GRM5: variants seen among roughly 807,000 people sequenced by gnomAD.
GRM5 encodes metabotropic glutamate receptor 5.
In GRM5, 19 loss-of-function variants were observed where a neutral mutation model predicts 83.1. That is an observed-to-expected ratio of 0.23 (90% confidence interval 0.16 to 0.34). GRM5 has a LOEUF of 0.34. Among genes scored for constraint, GRM5 ranks in the 10% least tolerant of loss-of-function variants. GRM5 has a pLI of 1.00. For missense variants in GRM5, 1,160 were observed against 1,588.3 expected, an observed-to-expected ratio of 0.73 and a Z score of 4.58; for synonymous variants, 675 against 633.6, an observed-to-expected ratio of 1.07 and a Z score of -0.98.
intron 2 of GRM5, among the ~76,000 whole-genome samples, chr11:88,976,866 A>C (rs115713430): frequency 6.6e-6 from 1 of 151,878 alleles, no homozygotes; most frequent in African/African-American, 2.4e-5. Flanking sequence ...ATACAAAAAA[A>C]AAATACTTAG....
chr11:88,993,913 T>C (rs1452528964), intron 2 of GRM5, among the ~76,000 whole-genome samples: 2 of 152,064 alleles, frequency 1.3e-5, no homozygotes, highest in Non-Finnish European at 2.9e-5. Flanking sequence ...TGTAGTTACC[T>C]CCATATGTTG....
chr11:89,031,572 TAC>T (rs1482311651), intron 2 of GRM5, among the ~76,000 whole-genome samples: 1 of 151,930 alleles, frequency 6.6e-6, no homozygotes, highest in Non-Finnish European at 1.5e-5. Context: ...ATGTGCTCCT[TAC>T]AATGCTCAGT....
intron 3 of GRM5, among the ~76,000 whole-genome samples, chr11:88,717,992 A>T (rs1428401253): frequency 6.6e-6 from 1 of 151,900 alleles, no homozygotes. Context: ...ATGAAAATGC[A>T]AAAATATAAT....
chr11:88,991,594 A>G (rs905024961), intron 2 of GRM5, among the ~76,000 whole-genome samples: 9 of 149,292 alleles, frequency 6.0e-5, no homozygotes, highest in Non-Finnish European at 1.2e-4. Context: ...GAGGCATCAC[A>G]CTACCTGACT....
chr11:88,785,817 G>T (rs1207737812), intron 3 of GRM5, among the ~76,000 whole-genome samples: 1 of 152,048 alleles, frequency 6.6e-6, no homozygotes, highest in Non-Finnish European at 1.5e-5. Context: ...CAATAGTAGT[G>T]ACTATGCACC....
At chr11:88,980,322 T>A (rs1939481692) in intron 2 of GRM5, among the ~76,000 whole-genome samples, 1 of 152,314 alleles carries the variant, frequency 6.6e-6, no homozygotes, top group South Asian at 2.1e-4. Flanking sequence ...AGGCAATGTT[T>A]GTTAATGAAA....
intron 8 of GRM5, among the ~76,000 whole-genome samples, chr11:88,558,830 A>G (rs1942689235): frequency 1.3e-5 from 2 of 150,662 alleles, no homozygotes; most frequent in Non-Finnish European, 1.5e-5. Context: ...AAAAAATACA[A>G]CAAACAACAC....
At chr11:88,992,505 A>T (rs76107669) in intron 2 of GRM5, among the ~76,000 whole-genome samples, 3,812 of 152,056 alleles carry the variant, frequency 0.025, 90 homozygotes, top group East Asian at 0.1. Flanking sequence ...GACCCAGCCA[A>T]CCCATTACTG....
At chr11:88,792,403 C>A (rs1293920843) in intron 3 of GRM5, among the ~76,000 whole-genome samples, 4 of 152,002 alleles carry the variant, frequency 2.6e-5, no homozygotes, top group Non-Finnish European at 5.9e-5. Context: ...ATAGAAAAAA[C>A]AAAAAGCTAA....
At chr11:88,788,850 T>G (rs1009269255) in intron 3 of GRM5, among the ~76,000 whole-genome samples, 5 of 152,084 alleles carry the variant, frequency 3.3e-5, no homozygotes, top group Admixed American at 6.6e-5. Flanking sequence ...AGATAAAACT[T>G]TTCATAGGCA....
intron 8 of GRM5, among the ~76,000 whole-genome samples, chr11:88,547,243 G>A (rs1320310050): frequency 1.3e-5 from 2 of 152,034 alleles, no homozygotes; most frequent in Non-Finnish European, 2.9e-5. Context: ...AAGTGAGTTT[G>A]GATATGTTAA....
chr11:88,814,781 A>G (rs1032129175), intron 3 of GRM5, among the ~76,000 whole-genome samples: 2 of 152,286 alleles, frequency 1.3e-5, no homozygotes, highest in South Asian at 2.1e-4. Flanking sequence ...GAATAGTGGG[A>G]AAAAAACAAC....
chr11:88,827,778 G>A (rs1393487896), intron 3 of GRM5, among the ~76,000 whole-genome samples: 2 of 152,316 alleles, frequency 1.3e-5, no homozygotes, highest in African/African-American at 2.4e-5. Context: ...ATAGGATAGA[G>A]CAGTAAACAA....
intron 7 of GRM5, among the ~76,000 whole-genome samples, chr11:88,581,842 A>ACATTCCTTAGATATGACATGTAT (rs2135194418): frequency 1.3e-5 from 2 of 152,334 alleles, no homozygotes; most frequent in South Asian, 4.1e-4. Context: ...AGACACACAT[A>ACATTCCTTAGATATGACATGTAT]CATTCCTTAG....
chr11:88,884,605 G>A (rs921560765), intron 2 of GRM5, among the ~76,000 whole-genome samples: 15 of 152,300 alleles, frequency 9.8e-5, no homozygotes, highest in Middle Eastern at 3.4e-3. Context: ...GAATGACACA[G>A]TTTGGCTGTG....
chr11:88,727,566 C>T (rs930230248), intron 3 of GRM5, among the ~76,000 whole-genome samples: 2 of 152,170 alleles, frequency 1.3e-5, no homozygotes, highest in African/African-American at 2.4e-5. Context: ...CTCTCCTCCC[C>T]AAATCAAGAG....
At chr11:88,597,421 T>C (rs1467922961) in intron 5 of GRM5, 69 bp from the exon 6 acceptor site, 1 of 803,762 alleles carries the variant, frequency 1.2e-6, no homozygotes, top group East Asian at 2.7e-5. Context: ...AGGCAATATA[T>C]TTTATTCCCA....
chr11:88,850,411 C>A (rs1325182645), intron 2 of GRM5, among the ~76,000 whole-genome samples: 1 of 152,198 alleles, frequency 6.6e-6, no homozygotes, highest in South Asian at 2.1e-4. Context: ...GTAAGCAATT[C>A]ATCATCCTTT....
intron 1 of GRM5, among the ~76,000 whole-genome samples, chr11:89,055,195 G>A (rs1941847738): frequency 6.6e-6 from 1 of 152,180 alleles, no homozygotes; most frequent in African/African-American, 2.4e-5. Context: ...GCATGGGCTT[G>A]GAGTCCAATG....
Sources: gnomAD v4.1 joint callset for allele counts (sites outside exome capture counted in the v4.1 genomes callset) on GRCh38, gnomAD v4.1.1 for gene constraint, MANE v1.5 for transcripts, NCBI Gene and HGNC (gene_info 2026-07-23, HGNC 2026-07-21) for gene names.